Variants in FRMD4A observed in about 807,000 individuals in gnomAD.
FRMD4A encodes the protein FERM domain-containing protein 4A.
Under a neutral mutation model 129.1 loss-of-function variants are expected in FRMD4A, and 29 were observed. The observed-to-expected ratio is 0.22, with a 90% CI of 0.17 to 0.31. FRMD4A has a LOEUF of 0.31. Ranked by LOEUF, FRMD4A falls within the 10% of genes least tolerant of loss-of-function variation. The probability of loss-of-function intolerance (pLI) is 1.00; values close to 1 mark genes in which losing one functional copy is unlikely to be tolerated. For missense variants in FRMD4A, 1,272 were observed against 1,375.8 expected (o/e 0.92, Z 1.19); for synonymous variants, 634 against 571.6 (o/e 1.11, Z -1.56).
chr10:13,700,930 C>A (rs1176142002), intron 14 of FRMD4A, among the ~76,000 whole-genome samples: 2 of 131,186 alleles, frequency 1.5e-5, no homozygotes, highest in South Asian at 5.0e-4. Flanking sequence ...TTACCCTAAA[C>A]AGTTAGGTGG....
intron 2 of FRMD4A, among the ~76,000 whole-genome samples, chr10:14,071,190 G>A (rs536077490): frequency 5.0e-4 from 76 of 152,224 alleles, no homozygotes; most frequent in Non-Finnish European, 7.5e-4. Context: ...TCAGAAGCCA[G>A]TAAAGAGTAA....
intron 16 of FRMD4A, among the ~76,000 whole-genome samples, chr10:13,671,238 G>A (rs992982189): frequency 1.3e-5 from 2 of 152,178 alleles, no homozygotes; most frequent in Non-Finnish European, 2.9e-5. Context: ...CGGATCTCTT[G>A]AGATCAGGAG....
chr10:13,772,040 C>T (rs745720560), intron 6 of FRMD4A, among the ~76,000 whole-genome samples: 9 of 150,928 alleles, frequency 6.0e-5, no homozygotes, highest in Middle Eastern at 3.4e-3. Context: ...TTGCATGAAC[C>T]CAGGAGGCAG....
At chr10:14,216,552 T>C (rs1843082191) in intron 2 of FRMD4A, among the ~76,000 whole-genome samples, 2 of 152,138 alleles carry the variant, frequency 1.3e-5, no homozygotes, top group African/African-American at 2.4e-5. Context: ...AGAAGAGATT[T>C]GATTTTGTCT....
At chr10:14,018,050 A>G (rs906867258) in intron 2 of FRMD4A, among the ~76,000 whole-genome samples, 6 of 152,176 alleles carry the variant, frequency 3.9e-5, no homozygotes, top group Admixed American at 2.0e-4. Context: ...CTCCATTCTA[A>G]GAATTTTAAA....
chr10:13,683,665 C>T (rs928666189), intron 15 of FRMD4A, among the ~76,000 whole-genome samples: 7 of 150,896 alleles, frequency 4.6e-5, no homozygotes, highest in African/African-American at 7.3e-5. Flanking sequence ...AACCCACAGC[C>T]GGGAGCTAAC....
intron 2 of FRMD4A, among the ~76,000 whole-genome samples, chr10:13,964,884 C>G (rs1439018911): frequency 6.6e-6 from 1 of 151,994 alleles, no homozygotes; most frequent in Non-Finnish European, 1.5e-5. Context: ...TGGGGTTTCA[C>G]CATGTTGGCC....
intron 2 of FRMD4A, among the ~76,000 whole-genome samples, chr10:13,872,683 G>A (rs2094450778): frequency 6.6e-6 from 1 of 152,230 alleles, no homozygotes; most frequent in African/African-American, 2.4e-5. Flanking sequence ...ACTGTTCCCT[G>A]GGGGAACAGT....
intron 13 of FRMD4A, among the ~76,000 whole-genome samples, chr10:13,702,720 T>C (rs921206394): frequency 1.3e-5 from 2 of 152,104 alleles, no homozygotes; most frequent in Non-Finnish European, 2.9e-5. Flanking sequence ...ATAACATTTT[T>C]TTTCATGGCT....
At chr10:14,236,995 CAA>C (rs71477244) in intron 2 of FRMD4A, among the ~76,000 whole-genome samples, 2,394 of 75,216 alleles carry the variant, frequency 0.032, 17 homozygotes, top group Admixed American at 0.042. Context: ...AACAGGTCAG[CAA>C]AAAAAAAAAA....
At position 14,275,245 on chromosome 10, in the gene FRMD4A, G is replaced by A. The variant is rs141092535; in HGVS notation, c.45+54813C>T. Among the ~76,000 whole-genome samples, 9 of 152,316 alleles carry A rather than the reference G, an allele frequency of 5.9e-5. No homozygotes were observed. In the East Asian group the frequency reaches 1.2e-3, roughly 20 times the overall value. On this transcript the variant is annotated intron_variant, in intron 2 of 24. Transcript: ENST00000357447. ...ATAGTCAAGTCATAGCAACTAGACC[G>A]ACTCAAGGACAGTAACAGCGATTGC...
chr10:14,028,172 A>G (rs1332345409), intron 2 of FRMD4A, among the ~76,000 whole-genome samples: 3 of 152,208 alleles, frequency 2.0e-5, no homozygotes, highest in African/African-American at 4.8e-5. Flanking sequence ...ATTAATACTT[A>G]TATCAAATGT....
intron 14 of FRMD4A, among the ~76,000 whole-genome samples, chr10:13,701,029 G>A (rs1007213098): frequency 1.2e-4 from 19 of 152,062 alleles, no homozygotes; most frequent in Non-Finnish European, 2.4e-4. Flanking sequence ...TTGCCTTCAC[G>A]CTGCTAGAGG....
intron 2 of FRMD4A, among the ~76,000 whole-genome samples, chr10:14,219,436 T>G (rs2131968796): frequency 6.6e-6 from 1 of 152,284 alleles, no homozygotes; most frequent in African/African-American, 2.4e-5. Context: ...GCCAGCGCAT[T>G]CTGATGCCAT....
At chr10:14,171,542 C>T (rs1435355223) in intron 2 of FRMD4A, among the ~76,000 whole-genome samples, 2 of 152,222 alleles carry the variant, frequency 1.3e-5, no homozygotes, top group Non-Finnish European at 2.9e-5. Context: ...CAGGTGCCCT[C>T]TCTGCAACTG....
chr10:13,988,164 A>G (rs1392157588), intron 2 of FRMD4A, among the ~76,000 whole-genome samples: 1 of 152,222 alleles, frequency 6.6e-6, no homozygotes, highest in Non-Finnish European at 1.5e-5. Context: ...TATGCCTCGT[A>G]TCCATGCAGA....
intron 2 of FRMD4A, among the ~76,000 whole-genome samples, chr10:14,108,054 C>T (rs1168018473): frequency 2.0e-5 from 3 of 152,186 alleles, no homozygotes; most frequent in East Asian, 1.9e-4. Context: ...TACCTTCTTA[C>T]ATTCCCACCA....
intron 2 of FRMD4A, among the ~76,000 whole-genome samples, chr10:14,289,597 C>CT (rs1478000086): frequency 6.6e-6 from 1 of 151,998 alleles, no homozygotes; most frequent in African/African-American, 2.4e-5. Flanking sequence ...TTACAACAAA[C>CT]TAAGTATAAA....
chr10:14,269,944 C>T (rs1215996399), intron 2 of FRMD4A, among the ~76,000 whole-genome samples: 5 of 152,160 alleles, frequency 3.3e-5, no homozygotes, highest in Non-Finnish European at 7.3e-5. Flanking sequence ...GAAGATCTGT[C>T]CTCAGTGGGG....
Sources: allele counts gnomAD v4.1 joint callset (sites outside exome capture counted in the v4.1 genomes callset), GRCh38; gene constraint gnomAD v4.1.1; transcripts MANE v1.5; gene names NCBI Gene and HGNC (gene_info 2026-07-23, HGNC 2026-07-21).